CUL9: variants seen among roughly 807,000 people sequenced by gnomAD.
CUL9 encodes the protein cullin-9.
In CUL9, 79 loss-of-function variants were observed where a neutral mutation model predicts 272.6. The observed-to-expected ratio is 0.29, with a 90% CI of 0.24 to 0.35. The LOEUF is 0.35. CUL9 is among the 10% of genes least tolerant of loss of function. The probability of loss-of-function intolerance (pLI) is 1.00; values close to 1 mark genes in which losing one functional copy is unlikely to be tolerated. For missense variants in CUL9, 2,532 were observed against 3,255.6 expected (o/e 0.78, Z 5.41); for synonymous variants, 1,186 against 1,286.5 (o/e 0.92, Z 1.67).
At position 43,216,329 on chromosome 6, in the gene CUL9, A is replaced by ACAC. The variant is rs1357762389; in HGVS notation, c.6110_6111insCCA (p.Glu2036_Gln2037insHis). ...TGGCTCATTCCCACTGGGGCGCTGAACAGCTGCTGCAGAGCTACAGTGAGG... is the reference window on the plus strand; with the variant it reads ...TGGCTCATTCCCACTGGGGCGCTGAACACCAGCTGCTGCAGAGCTACAGTGAGG... On this transcript the variant is annotated inframe_insertion, in exon 31 of 41. Transcript: ENST00000252050. 6 of 1,614,050 alleles carry ACAC rather than the reference A, an allele frequency of 3.7e-6. No homozygotes were observed. Among genetic ancestry groups the ACAC allele is most frequent in the Non-Finnish European group, 4.2e-6 (5 of 1,180,034 alleles).
At chr6:43,204,170 C>A in intron 20 of CUL9, 183 bp downstream of exon 20, 1 of 1,024,036 alleles carries the variant, frequency 9.8e-7, no homozygotes, top group Non-Finnish European at 1.4e-6. Context: ...TTGAATCTTT[C>A]CCACTACCCC....
intron 29 of CUL9, 101 bp from the exon 30 acceptor site, chr6:43,214,976 TAA>T (rs141257123): frequency 3.0e-6 from 4 of 1,334,696 alleles, no homozygotes; most frequent in Non-Finnish European, 4.1e-6. Flanking sequence ...GACTGTCTCT[TAA>T]AAAAAAAGGG....
rs756056113 is a variant in CUL9, at chr6:43,213,101, T to C, written c.5213-48T>C. 20 of 1,599,788 alleles carry C rather than the reference T, an allele frequency of 1.3e-5. No individual in the cohort carries two copies. In the South Asian group the frequency reaches 2.2e-4, roughly 18 times the overall value. On this transcript the variant is annotated intron_variant, in intron 26 of 40. Coordinates refer to ENST00000252050, the MANE Select transcript of CUL9 (RefSeq NM_015089.4). The surrounding 1 kb of genome is among the most constrained non-coding windows in gnomAD (Gnocchi z 5.7). ...TTGACACCTCAACCCCTAAACCCCT[T>C]GTTTCGCCCATTCTGTGTCTCCACC...
At position 43,198,711 on chromosome 6, in the gene CUL9, G is replaced by T. The variant is rs145736095; in HGVS notation, c.2906G>T (p.Arg969Leu). The change falls in exon 12 of 41, where the codon CGT (arginine) becomes CTT (leucine). Residue 969 changes from arginine to leucine, a missense_variant. Arg to Leu is a moderately radical substitution (Grantham distance 102, BLOSUM62 -2). Transcript: ENST00000252050. Reference protein sequence around the residue: ...PSAELLLDLERVLCREGSPGG... With the variant: ...PSAELLLDLELVLCREGSPGG... ...GCAGAACTACTCCTGGACTTGGAGCGTGTGCTGTGCCGTGAGGGCAGCCCC... is the reference window on the plus strand; with the variant it reads ...GCAGAACTACTCCTGGACTTGGAGCTTGTGCTGTGCCGTGAGGGCAGCCCC... The T allele has an allele frequency of 5.6e-6, 9 of 1,614,062 alleles. No homozygotes were observed. The highest frequency in any genetic ancestry group is 7.6e-6 in the Non-Finnish European group (9 of 1,180,030).
At chr6:43,188,460 A>G in intron 7 of CUL9, 63 bp from the exon 8 acceptor site, 1 of 1,466,434 alleles carries the variant, frequency 6.8e-7, no homozygotes, top group East Asian at 2.3e-5. Flanking sequence ...GCTTGACTTT[A>G]AAGACTTCTA....
At position 43,202,829 on chromosome 6, in the gene CUL9, C is replaced by A; in HGVS notation, c.3753+8C>A. On this transcript the variant is annotated splice_region_variant and intron_variant, in intron 17 of 40. Transcript: ENST00000252050. ...GGCACTGAGCTCAACACGGTGGGGA[C>A]CCTTGTGCCCACCTTCACCTTGCTC... The A allele has an allele frequency of 6.2e-7, 1 of 1,612,244 alleles. No individual in the cohort carries two copies. Among genetic ancestry groups the A allele is most frequent in the African/African-American group, 1.3e-5 (1 of 74,956 alleles).
At position 43,224,149 on chromosome 6, in the gene CUL9, C is replaced by T; in HGVS notation, c.7339C>T (p.Pro2447Ser). The T allele has an allele frequency of 6.2e-7, 1 of 1,614,224 alleles. No homozygotes were observed. The highest frequency in any genetic ancestry group is 1.3e-5 in the African/African-American group (1 of 75,050). The change falls in exon 40 of 41, where the codon CCC (proline) becomes TCC (serine). Residue 2447 changes from proline (P) to serine (S), a missense_variant. Coordinates refer to ENST00000252050, the MANE Select transcript of CUL9 (RefSeq NM_015089.4). This position sits in a 1 kb window ranked among gnomAD's most constrained non-coding sequence, Gnocchi z 4.2. Reference protein sequence around the residue: ...PSVEAWEAKGPNMPGSQPQAS... With the variant: ...PSVEAWEAKGSNMPGSQPQAS... ...AGTAGAGGCCTGGGAGGCAAAAGGACCCAACATGCCTGGCAGTCAGTAAGT... is the reference window on the plus strand; with the variant it reads ...AGTAGAGGCCTGGGAGGCAAAAGGATCCAACATGCCTGGCAGTCAGTAAGT...
chr6:43,204,412 G>A lies in CUL9; in HGVS notation c.4212G>A (p.Gln1404=), dbSNP rs61739506. ...GGCTGCTGGATCAGTACTTAGAACAGAGAGAGACCTCTCGGAACCCCTTGA... is the reference window on the plus strand; with the variant it reads ...GGCTGCTGGATCAGTACTTAGAACAAAGAGAGACCTCTCGGAACCCCTTGA... ...LGWLLDQYLE[Q]RETSRNPLSR... Residue 1404 remains glutamine (Q), a synonymous_variant, in exon 21 of 41, where the codon CAG becomes CAA. Transcript: ENST00000252050. 2,338 of 1,614,142 alleles carry A rather than the reference G, an allele frequency of 1.4e-3. 23 individuals carry two copies. In the African/African-American group the frequency reaches 0.028, roughly 19 times the overall value.
chr6:43,196,587 C>T (rs753060758), intron 10 of CUL9, 58 bp from the exon 11 acceptor site: 1 of 1,449,360 alleles, frequency 6.9e-7, no homozygotes, highest in South Asian at 1.1e-5. Context: ...GCTTGCTTTG[C>T]TGCTTCCATT....
chr6:43,188,583 C>T lies in CUL9; in HGVS notation c.2048C>T (p.Ala683Val), dbSNP rs747988138. Residue 683 changes from alanine to valine, a missense_variant, in exon 8 of 41, where the codon GCG (alanine) becomes GTG (valine). Transcript: ENST00000252050. ...AGCTCCCTGGATCAGCATGTGGCAG[C>T]GGTCGTGGCCACTGTGCAGATATCC... Reference protein sequence around the residue: ...PRSSLDQHVAAVVATVQISSL... With the variant: ...PRSSLDQHVAVVVATVQISSL... The T allele has an allele frequency of 2.5e-6, 4 of 1,614,114 alleles. No individual in the cohort carries two copies. The highest frequency in any genetic ancestry group is 2.2e-5 in the South Asian group (2 of 91,070).
In CUL9 at chr6:43,196,722, T is replaced by C. The variant is rs1381201670; in HGVS notation, c.2663T>C (p.Ile888Thr). 2 of 1,614,200 alleles carry C rather than the reference T, an allele frequency of 1.2e-6. No homozygotes were observed. The highest frequency in any genetic ancestry group is 1.3e-5 in the African/African-American group (1 of 75,056). ...AACCACCACACTCTGGGAGACCAGA[T>C]TATAACCCAAGAGCTGAGAGACACG... ...LCNHHTLGDQ[I>T]ITQELRDTLF... Residue 888 changes from isoleucine (I) to threonine (T), a missense_variant, in exon 11 of 41, where the codon ATT becomes ACT. By Grantham distance (89) the Ile-to-Thr change is moderately conservative (BLOSUM62 -1). Around this residue, in one of 3 missense-constraint regions of CUL9, gnomAD observed 2,218 missense variants for 2,788.6 expected, o/e 0.80. Coordinates refer to ENST00000252050, the MANE Select transcript of CUL9 (RefSeq NM_015089.4).
In CUL9 at chr6:43,185,583, G is replaced by A; in HGVS notation, c.723G>A (p.Met241Ile). Reference protein sequence around the residue: ...AETTSSEEHCMAFEGIHLPQI... With the variant: ...AETTSSEEHCIAFEGIHLPQI... ...CCACATCCTCTGAAGAACACTGCATGGCCTTTGAGGGCATTCATCTGCCTC... is the reference window on the plus strand; with the variant it reads ...CCACATCCTCTGAAGAACACTGCATAGCCTTTGAGGGCATTCATCTGCCTC... The change falls in exon 3 of 41, where the codon ATG becomes ATA. Residue 241 changes from methionine to isoleucine, a missense_variant. Coordinates refer to ENST00000252050, the MANE Select transcript of CUL9 (RefSeq NM_015089.4). 6.2e-7 allele frequency: 1 copy of A among 1,613,036 alleles called. No homozygotes were observed. Among genetic ancestry groups the A allele is most frequent in the Non-Finnish European group, 8.5e-7 (1 of 1,179,990 alleles).
In CUL9 at chr6:43,186,083, A is replaced by T. The variant is rs553582467; in HGVS notation, c.879A>T (p.Lys293Asn). The T allele has an allele frequency of 1.1e-5, 18 of 1,614,050 alleles. No individual in the cohort carries two copies. In the African/African-American group the frequency reaches 1.7e-4, roughly 16 times the overall value. The change falls in exon 4 of 41, where the codon AAA (lysine) becomes AAT (asparagine). Residue 293 changes from lysine to asparagine, a missense_variant. By Grantham distance (94) the Lys-to-Asn change is moderately conservative. Around this residue, in one of 3 missense-constraint regions of CUL9, gnomAD observed 2,218 missense variants for 2,788.6 expected, o/e 0.80. Transcript: ENST00000252050. ...DQSSPCATRE[K>N]SRGQRELEFS... ...GCTCCCCATGTGCCACAAGAGAGAA[A>T]AGCCGGGGACAGCGGGAACTGGAGT...
chr6:43,205,341 C>G lies in CUL9; in HGVS notation c.4711C>G (p.Leu1571Val). Residue 1571 changes from leucine (L) to valine (V), a missense_variant, in exon 24 of 41, where the codon CTG becomes GTG. Physicochemically the swap from Leu to Val is conservative, Grantham distance 32. This residue lies in a region of CUL9 where 2,218 missense variants were observed against 2,788.6 expected (regional missense o/e 0.80). Transcript: ENST00000252050. ...TGGTGGAGCCCCTGGAGTGGAAATGCTGGGGCAGCTTCAGCGGCACCTGGA... is the reference window on the plus strand; with the variant it reads ...TGGTGGAGCCCCTGGAGTGGAAATGGTGGGGCAGCTTCAGCGGCACCTGGA... ...LIGGAPGVEM[L>V]GQLQRHLEPI... 1 of 1,614,186 alleles carries G rather than the reference C, an allele frequency of 6.2e-7. No homozygotes were observed. Among genetic ancestry groups the G allele is most frequent in the South Asian group, 1.1e-5 (1 of 91,088 alleles).
At chr6:43,198,497 T>C in intron 11 of CUL9, 112 bp from the exon 12 acceptor site, 2 of 1,524,922 alleles carry the variant, frequency 1.3e-6, no homozygotes, top group Non-Finnish European at 1.8e-6. Context: ...ATAGACATCC[T>C]CAATATAGAA....
At position 43,200,476 on chromosome 6, in the gene CUL9, A is replaced by G; in HGVS notation, c.3425A>G (p.Gln1142Arg). Reference sequence around the variant, plus strand: ...ATCGAAGACCACAGACGAACCCACCAACCCATCAATATCCCCTTCTTTGAT... The same window carrying G: ...ATCGAAGACCACAGACGAACCCACCGACCCATCAATATCCCCTTCTTTGAT... ...GQIEDHRRTH[Q>R]PINIPFFDVF... The change falls in exon 15 of 41, where the codon CAA becomes CGA. Residue 1142 changes from glutamine (Q) to arginine (R), a missense_variant. Gln to Arg is a conservative substitution (Grantham distance 43, BLOSUM62 1). Transcript: ENST00000252050. The surrounding 1 kb of genome is among the most constrained non-coding windows in gnomAD (Gnocchi z 4.0). 1.2e-6 allele frequency: 2 copies of G among 1,614,114 alleles called. No individual in the cohort carries two copies. Among genetic ancestry groups the G allele is most frequent in the Non-Finnish European group, 1.7e-6 (2 of 1,180,010 alleles).
intron 29 of CUL9, among the ~76,000 whole-genome samples, chr6:43,214,340 A>AC (rs1218286485): frequency 6.6e-6 from 1 of 152,104 alleles, no homozygotes; most frequent in Non-Finnish European, 1.5e-5. Context: ...GAATTGCTTG[A>AC]CCCAGGAGGC....
chr6:43,212,145 G>A (rs181321557), intron 26 of CUL9, among the ~76,000 whole-genome samples: 1 of 152,306 alleles, frequency 6.6e-6, no homozygotes, highest in African/African-American at 2.4e-5. Context: ...ATTTGTAGGT[G>A]TAGAGGCTTA....
intron 29 of CUL9, 99 bp from the exon 30 acceptor site, chr6:43,214,976 TAAAA>T: frequency 7.5e-7 from 1 of 1,334,726 alleles, no homozygotes; most frequent in Non-Finnish European, 1.0e-6. Flanking sequence ...GACTGTCTCT[TAAAA>T]AAAAAGGGGG....
Sources: allele counts gnomAD v4.1 joint callset (sites outside exome capture counted in the v4.1 genomes callset), GRCh38; gene constraint gnomAD v4.1.1; regional missense constraint gnomAD v4.1.1; non-coding constraint Gnocchi (gnomAD v3.1); transcripts MANE v1.5; gene names NCBI Gene and HGNC (gene_info 2026-07-23, HGNC 2026-07-21).